IWS1: variants seen among roughly 807,000 people sequenced by gnomAD.
IWS1 encodes the protein protein IWS1 homolog.
In IWS1, 27 loss-of-function variants were observed where a neutral mutation model predicts 86.7. That is an observed-to-expected ratio of 0.31 (90% CI 0.23 to 0.43). The LOEUF (loss-of-function observed/expected upper bound fraction) is 0.43. Among genes scored for constraint, IWS1 ranks in the 20% least tolerant of loss-of-function variants. The pLI, the probability that IWS1 is intolerant of heterozygous loss-of-function variation, is 1.00. For missense variants in IWS1, 827 were observed against 1,000.8 expected, an observed-to-expected ratio of 0.83 and a Z score of 2.34; for synonymous variants, 313 against 335.1, an observed-to-expected ratio of 0.93 and a Z score of 0.72.
chr2:127,521,687 C>T (rs1282143037), intron 2 of IWS1, among the ~76,000 whole-genome samples: 2 of 152,160 alleles, frequency 1.3e-5, no homozygotes, highest in Non-Finnish European at 2.9e-5. Flanking sequence ...AAAAACAGAA[C>T]GGTTGTATGG....
At chr2:127,519,589 T>A (rs1469796268) in intron 2 of IWS1, among the ~76,000 whole-genome samples, 2 of 150,294 alleles carry the variant, frequency 1.3e-5, no homozygotes, top group South Asian at 4.2e-4. Flanking sequence ...AAAAAAAAAA[T>A]ACCATTATTG....
chr2:127,514,612 GCAC>G (rs1218212131), intron 2 of IWS1: 2 of 152,284 alleles, frequency 1.3e-5, no homozygotes, highest in African/African-American at 4.8e-5. Context: ...GAGTTTTCAG[GCAC>G]CACCACATCC....
At chr2:127,509,707 C>CAAAAA (rs34526019) in intron 2 of IWS1, among the ~76,000 whole-genome samples, 11 of 55,468 alleles carry the variant, frequency 2.0e-4, no homozygotes, top group African/African-American at 6.6e-4. Context: ...CACTCCATCT[C>CAAAAA]AAAAAAAAAA....
chr2:127,513,694 T>C (rs1452465703), intron 2 of IWS1, among the ~76,000 whole-genome samples: 2 of 150,924 alleles, frequency 1.3e-5, no homozygotes, highest in Admixed American at 1.3e-4. Context: ...GGTTACCATA[T>C]AAAATGGCAT....
In IWS1 at chr2:127,481,118, T is replaced by C. The variant is rs1363282371; in HGVS notation, c.2386A>G (p.Thr796Ala). 2 of 1,612,644 alleles carry C rather than the reference T, an allele frequency of 1.2e-6. No homozygotes were observed. The highest frequency in any genetic ancestry group is 1.3e-5 in the African/African-American group (1 of 74,856). ...SRLDKQMRKF[T>A]DIRKKSRSAH... is the part of the protein sequence containing the mutation. The stretch of plus-strand genomic sequence containing the variant: ...GATCTGCTTTTTTTCCTTATATCTG[T>C]GAACTTTCTCATCTGTTTATCCAGT... Residue 796 changes from threonine (T) to alanine (A), a missense_variant, in exon 14 of 14, where the codon ACA (threonine) becomes GCA (alanine). This residue lies in a region of IWS1 where 279 missense variants were observed against 440.6 expected (regional missense o/e 0.63). Transcript: ENST00000295321.
At chr2:127,506,945 T>TA in intron 2 of IWS1, among the ~76,000 whole-genome samples, 1 of 152,334 alleles carries the variant, frequency 6.6e-6, no homozygotes, top group Non-Finnish European at 1.5e-5. Flanking sequence ...TCCCATCTGG[T>TA]AGCTCAACTT....
At position 127,499,510 on chromosome 2, in the gene IWS1, A is replaced by G. The variant is rs1013640398; in HGVS notation, c.1468-1273T>C. Among the ~76,000 whole-genome samples the G allele has an allele frequency of 3.9e-5, 6 of 152,226 alleles. No individual in the cohort carries two copies. Among genetic ancestry groups the G allele is most frequent in the African/African-American group, 1.2e-4 (5 of 41,448 alleles). On this transcript the variant is annotated intron_variant, in intron 5 of 13. Coordinates refer to ENST00000295321, the MANE Select transcript of IWS1 (RefSeq NM_017969.3). This position sits in a 1 kb window ranked among gnomAD's most constrained non-coding sequence, Gnocchi z 4.0. ...GTACAATTTTTTTCTAACTGAACTG[A>G]AACTATAACCAAGTTGATGTTAAGT...
Position 127,505,824 on chromosome 2 carries a change from T to G in IWS1, c.151-72A>C. The G allele has an allele frequency of 9.5e-7, 1 of 1,051,378 alleles. No individual in the cohort carries two copies. The highest frequency in any genetic ancestry group is 1.3e-6 in the Non-Finnish European group (1 of 742,900). 65.1% of individuals were successfully genotyped at this position (1,051,378 alleles called of 1,614,324 possible). On this transcript the variant is annotated intron_variant, in intron 2 of 13. Coordinates refer to ENST00000295321, the MANE Select transcript of IWS1 (RefSeq NM_017969.3). The surrounding 1 kb of genome is among the most constrained non-coding windows in gnomAD (Gnocchi z 5.0). ...AACCATTAATAATAAAACATTAAATTTTTTCTGTGATTTTTTTAAAATACA... is the reference window on the plus strand; with the variant it reads ...AACCATTAATAATAAAACATTAAATGTTTTCTGTGATTTTTTTAAAATACA...
rs1309101014 is a variant in IWS1, at chr2:127,481,192, A to G, written c.2329-17T>C. On this transcript the variant is annotated splice_polypyrimidine_tract_variant and intron_variant, in intron 13 of 13. Transcript: ENST00000295321. ...CGCCTGAAACTAAGAGTAAGGGAAA[A>G]ATTAAAGAGCAAACTACTGAAATAC... 6.3e-7 allele frequency: 1 copy of G among 1,584,740 alleles called. No individual in the cohort carries two copies.
At chr2:127,487,200 T>TAG (rs369565692) in intron 12 of IWS1, among the ~76,000 whole-genome samples, 1 of 152,212 alleles carries the variant, frequency 6.6e-6, no homozygotes, top group Non-Finnish European at 1.5e-5. Context: ...TAAAAAATGA[T>TAG]AGAGAGAGAG....
At chr2:127,483,020 C>A (rs1313086792) in intron 13 of IWS1, 7 of 149,368 alleles carry the variant, frequency 4.7e-5, no homozygotes, top group African/African-American at 9.9e-5. Context: ...AATACAATCA[C>A]AATGTCGCTT....
intron 1 of IWS1, among the ~76,000 whole-genome samples, chr2:127,525,632 G>A (rs933564510): frequency 2.0e-5 from 3 of 152,164 alleles, no homozygotes; most frequent in African/African-American, 4.8e-5. Context: ...GTAAAGAAAG[G>A]AGACCAAACT....
chr2:127,483,977 A>G (rs1215400025), intron 13 of IWS1, among the ~76,000 whole-genome samples: 1 of 152,180 alleles, frequency 6.6e-6, no homozygotes, highest in African/African-American at 2.4e-5. Flanking sequence ...TATAAAAACT[A>G]AGTTCAAGGC....
rs1689597721 is a variant in IWS1 at position 127,481,062 on chromosome 2, G to A, written c.2442C>T (p.Gly814=). 1 of 1,609,128 alleles carries A rather than the reference G, an allele frequency of 6.2e-7. No individual in the cohort carries two copies. Among genetic ancestry groups the A allele is most frequent in the African/African-American group, 1.3e-5 (1 of 74,460 alleles). The part of the protein sequence containing the change: ...SAHAVKISIE[G]NKMPL The stretch of plus-strand genomic sequence containing the variant: ...GGCAAGGTCACAATGGCATTTTGTT[G>A]CCCTCAATGCTGATTTTCACTGCGT... Residue 814 remains glycine, a synonymous_variant, in exon 14 of 14, where the codon GGC becomes GGT. Transcript: ENST00000295321.
chr2:127,526,514 GC>G, upstream of IWS1: 1 of 1,481,710 alleles, frequency 6.7e-7, no homozygotes, highest in South Asian at 1.2e-5. Flanking sequence ...AAGGAATGCA[GC>G]GCGCAGGCGC....
intron 13 of IWS1, among the ~76,000 whole-genome samples, chr2:127,486,226 A>T (rs187159083): frequency 1.3e-3 from 190 of 149,276 alleles, no homozygotes; most frequent in African/African-American, 4.0e-3. Context: ...CATGGTTATT[A>T]AAAAAAAAAA....
rs1690707956 is a variant in IWS1, at chr2:127,499,802, A to C, written c.1468-1565T>G. 1.3e-5 allele frequency among the ~76,000 whole-genome samples: 2 copies of C among 152,060 alleles called. No homozygotes were observed. Among genetic ancestry groups the C allele is most frequent in the African/African-American group, 4.8e-5 (2 of 41,372 alleles). ...AGCAGGGTTTAAGTTTCTGAGCGGC[A>C]AACAGATTGGAAAATATATACAGAC... On this transcript the variant is annotated intron_variant, in intron 5 of 13. Coordinates refer to ENST00000295321, the MANE Select transcript of IWS1 (RefSeq NM_017969.3). The surrounding 1 kb of genome is among the most constrained non-coding windows in gnomAD (Gnocchi z 4.0).
At chr2:127,501,133 C>T (rs1480393712) in intron 5 of IWS1, among the ~76,000 whole-genome samples, 1 of 152,320 alleles carries the variant, frequency 6.6e-6, no homozygotes, top group East Asian at 1.9e-4. Flanking sequence ...AACCTTCCAT[C>T]TGAGATCATT....
Position 127,505,549 on chromosome 2 carries a change from G to A in IWS1, c.354C>T (p.Ser118=), listed in dbSNP as rs142015095. The A allele has an allele frequency of 7.4e-6, 12 of 1,613,828 alleles. No individual in the cohort carries two copies. The highest frequency in any genetic ancestry group is 4.5e-5 in the East Asian group (2 of 44,872). ...TCCTGGTCTCTTCACTCTCAGAGTC[G>A]CTCCCATGCTGATTGACATCCTCAT... is the stretch of plus-strand genomic sequence containing the variant. ...SENEDVNQHG[S]DSESEETRKL... is the part of the protein sequence containing the mutation. Residue 118 remains serine, a synonymous_variant, in exon 3 of 14, where the codon AGC becomes AGT. Coordinates refer to ENST00000295321, the MANE Select transcript of IWS1 (RefSeq NM_017969.3). This position sits in a 1 kb window ranked among gnomAD's most constrained non-coding sequence, Gnocchi z 5.0.
Sources: gnomAD v4.1 joint callset for allele counts (sites outside exome capture counted in the v4.1 genomes callset) on GRCh38, gnomAD v4.1.1 for gene constraint, gnomAD v4.1.1 regional missense constraint, Gnocchi (gnomAD v3.1) non-coding constraint, MANE v1.5 for transcripts, NCBI Gene and HGNC (gene_info 2026-07-23, HGNC 2026-07-21) for gene names.